OTOG: variants seen among roughly 807,000 people sequenced by gnomAD.
OTOG encodes otogelin.
In OTOG, 296 loss-of-function variants were observed where a neutral mutation model predicts 313.8. The ratio of observed to expected loss-of-function variants is 0.94; its 90% CI spans 0.86 to 1.04. The LOEUF is 1.04. Among genes scored for constraint, OTOG ranks in the 50% least tolerant of loss-of-function variants. The probability of loss-of-function intolerance (pLI) is 0.00; values close to 1 mark genes in which losing one functional copy is unlikely to be tolerated. For synonymous variants in OTOG, 1,533 were observed against 1,554.9 expected, an observed-to-expected ratio of 0.99 and a Z score of 0.33; for missense variants, 3,948 against 3,840.1, an observed-to-expected ratio of 1.03 and a Z score of -0.74.
At chr11:17,613,563 G>C (rs1181141147) in intron 38 of OTOG, 49 bp from the exon 39 acceptor site, 1 of 1,467,928 alleles carries the variant, frequency 6.8e-7, no homozygotes, top group South Asian at 1.2e-5. Flanking sequence ...ACTTGGAGGG[G>C]GACAGAGGAC....
chr11:17,566,094 T>A (rs1452576384), intron 15 of OTOG, among the ~76,000 whole-genome samples: 2 of 152,022 alleles, frequency 1.3e-5, no homozygotes, highest in African/African-American at 4.8e-5. Flanking sequence ...ATCTGTGGGG[T>A]ATTTCCACAG....
intron 15 of OTOG, among the ~76,000 whole-genome samples, chr11:17,565,056 T>C (rs1565095053): frequency 6.6e-6 from 1 of 152,230 alleles, no homozygotes; most frequent in Non-Finnish European, 1.5e-5. Context: ...GACATCTTTG[T>C]TAAAAATAAT....
In OTOG at chr11:17,573,254, C is replaced by G; in HGVS notation, c.2257C>G (p.Leu753Val). ...HYAHLCRRHG[L>V]PVDFRARLPA... ...CGCCCACCTGTGCCGGCGCCATGGG[C>G]TCCCCGTTGATTTCCGCGCCCGCCT... The change falls in exon 19 of 56, where the codon CTC becomes GTC. Residue 753 changes from leucine (L) to valine (V), a missense_variant. By Grantham distance (32) the Leu-to-Val change is conservative. Coordinates refer to ENST00000399397, the MANE Select transcript of OTOG (RefSeq NM_001292063.2). The G allele has an allele frequency of 6.5e-7, 1 of 1,531,556 alleles. No individual in the cohort carries two copies. The highest frequency in any genetic ancestry group is 2.5e-5 in the East Asian group (1 of 40,752). 94.9% of individuals were successfully genotyped at this position (1,531,556 alleles called of 1,614,324 possible).
chr11:17,605,433 G>A (rs574345844), intron 32 of OTOG, among the ~76,000 whole-genome samples: 3 of 152,170 alleles, frequency 2.0e-5, no homozygotes, highest in Non-Finnish European at 4.4e-5. Flanking sequence ...AACCTTCAGC[G>A]TGCCCCACAT....
chr11:17,628,998 A>G (rs571612103), intron 39 of OTOG, 135 bp from the exon 40 acceptor site: 2 of 864,540 alleles, frequency 2.3e-6, no homozygotes, highest in East Asian at 2.8e-5. Context: ...CCTGGCACAT[A>G]GCAGATGCCT....
At chr11:17,580,570 G>A (rs1852643147) in intron 23 of OTOG, among the ~76,000 whole-genome samples, 2 of 152,238 alleles carry the variant, frequency 1.3e-5, no homozygotes, top group African/African-American at 4.8e-5. Flanking sequence ...GGTGCTCAGA[G>A]ATGCAGACAG....
At chr11:17,585,470 CT>C (rs1157378393) in intron 23 of OTOG, among the ~76,000 whole-genome samples, 2 of 152,208 alleles carry the variant, frequency 1.3e-5, no homozygotes, top group Non-Finnish European at 2.9e-5. Context: ...TCTGGTTTCA[CT>C]GATTTTTCTC....
intron 39 of OTOG, among the ~76,000 whole-genome samples, chr11:17,625,750 T>A (rs894785142): frequency 2.0e-5 from 3 of 152,220 alleles, no homozygotes; most frequent in African/African-American, 7.2e-5. Flanking sequence ...ATTCTATGGG[T>A]TGTCTCTTCA....
chr11:17,577,136 G>A (rs568824102), intron 22 of OTOG, among the ~76,000 whole-genome samples: 131 of 152,368 alleles, frequency 8.6e-4, no homozygotes, highest in Middle Eastern at 3.4e-3. Flanking sequence ...GCTGCCTGCA[G>A]AGGAGAGGCT....
At chr11:17,644,977 T>G (rs1848044717) in intron 54 of OTOG, among the ~76,000 whole-genome samples, 1 of 152,184 alleles carries the variant, frequency 6.6e-6, no homozygotes, top group South Asian at 2.1e-4. Context: ...TGGTTGTCTG[T>G]GAGAGGCATG....
At position 17,599,705 on chromosome 11, in the gene OTOG, C is replaced by T. The variant is rs1177079413; in HGVS notation, c.3709+8C>T. On this transcript the variant is annotated splice_region_variant and intron_variant, in intron 31 of 55. Coordinates refer to ENST00000399397, the MANE Select transcript of OTOG (RefSeq NM_001292063.2). ...GTGACTTCTTTAACAAAGGTAAGCC[C>T]CTCCTCCCCACGCAGAGTCTCAGGG... The T allele has an allele frequency of 6.4e-7, 1 of 1,550,568 alleles. No individual in the cohort carries two copies. The highest frequency in any genetic ancestry group is 1.4e-5 in the African/African-American group (1 of 73,162).
Position 17,611,156 on chromosome 11 carries a change from C to T in OTOG, c.5856C>T (p.Ala1952=), listed in dbSNP as rs778221743. ...CCTTGGTGGCTGAGCCCGAGGGAGCCCAGGCAGGCACAGCTCTGCCAGTGC... is the reference window on the plus strand; with the variant it reads ...CCTTGGTGGCTGAGCCCGAGGGAGCTCAGGCAGGCACAGCTCTGCCAGTGC... ...LTPLVAEPEG[A]QAGTALPVPT... The change falls in exon 36 of 56, where the codon GCC becomes GCT. Residue 1952 remains alanine (A), a synonymous_variant. Coordinates refer to ENST00000399397, the MANE Select transcript of OTOG (RefSeq NM_001292063.2). 7.4e-5 allele frequency: 115 copies of T among 1,550,404 alleles called. No individual in the cohort carries two copies. Among genetic ancestry groups the T allele is most frequent in the African/African-American group, 1.4e-5 (1 of 73,032 alleles).
chr11:17,624,228 G>A (rs73418092), intron 39 of OTOG, among the ~76,000 whole-genome samples: 4,398 of 152,100 alleles, frequency 0.029, 79 homozygotes, highest in Middle Eastern at 0.092. Flanking sequence ...AATCTTTGCC[G>A]TTTCTGTGTC....
At position 17,645,923 on chromosome 11, in the gene OTOG, C is replaced by T. The variant is rs576913505; in HGVS notation, c.8721C>T (p.Asp2907=). The change falls in exon 56 of 56, where the codon GAC becomes GAT. Residue 2907 remains aspartate, a synonymous_variant. Coordinates refer to ENST00000399397, the MANE Select transcript of OTOG (RefSeq NM_001292063.2). ...CCTATACAGTGCAGGAGCCCACCGA[C>T]TGTGCCTGCCAGTGGTCCTGAGGCC... The part of the protein sequence containing the change: ...WVPYTVQEPT[D]CACQWS The T allele has an allele frequency of 6.5e-7, 1 of 1,549,846 alleles. No homozygotes were observed.
rs935260702 is a variant in OTOG, at chr11:17,569,422, GA to G, written c.1777+135del. 3.9e-6 allele frequency: 5 copies of G among 1,283,362 alleles called. No homozygotes were observed. The African/African-American group carries it at 7.5e-5, about 19-fold the overall frequency. 79.5% of individuals were successfully genotyped at this position (1,283,362 alleles called of 1,614,324 possible). A position where few individuals can be genotyped will look rare whatever the true frequency, so the allele number is the denominator to read the frequency against. On this transcript the variant is annotated intron_variant, in intron 16 of 55. Coordinates refer to ENST00000399397, the MANE Select transcript of OTOG (RefSeq NM_001292063.2). ...TAGTACTGGGTAGATCAGGATAGGG[GA>G]CACTTTGGTTGCAAAAATGTGGACT...
chr11:17,621,832 G>A (rs545628335), intron 39 of OTOG, among the ~76,000 whole-genome samples: 13 of 152,180 alleles, frequency 8.5e-5, no homozygotes, highest in East Asian at 7.7e-4. Flanking sequence ...AACTGTTCAC[G>A]TTGGAAAACT....
chr11:17,609,050 G>T (rs1853459724), intron 34 of OTOG, 80 bp from the exon 35 acceptor site: 1 of 1,123,494 alleles, frequency 8.9e-7, no homozygotes, highest in South Asian at 1.4e-5. Context: ...GAAAGGATAA[G>T]GCCTGTGCTC....
In OTOG at chr11:17,606,061, C is replaced by T. The variant is rs550221134; in HGVS notation, c.4082C>T (p.Ser1361Leu). The change falls in exon 33 of 56, where the codon TCG (serine) becomes TTG (leucine). Residue 1361 changes from serine to leucine, a missense_variant. Coordinates refer to ENST00000399397, the MANE Select transcript of OTOG (RefSeq NM_001292063.2). The stretch of plus-strand genomic sequence containing the variant: ...AAGCCCAGCTCCTTCCTCTATGTGT[C>T]GGGCGCGGTGCTGGCCCTGCGGCTG... ...LAKPSSFLYVSGAVLALRLYE... is the reference protein window; with the variant it reads ...LAKPSSFLYVLGAVLALRLYE... The T allele has an allele frequency of 2.3e-5, 36 of 1,550,428 alleles. No homozygotes were observed. The highest frequency in any genetic ancestry group is 2.2e-4 in the African/African-American group (16 of 73,164).
rs529949751 is a variant in OTOG at position 17,622,760 on chromosome 11, A to G, written c.6529-6373A>G. Among the ~76,000 whole-genome samples, 13 of 152,332 alleles carry G rather than the reference A, an allele frequency of 8.5e-5. No homozygotes were observed. The South Asian group carries it at 1.5e-3, about 17-fold the overall frequency. The stretch of plus-strand genomic sequence containing the variant: ...TCTTTATCCATTCATCTGCTGATGG[A>G]CATTTACATTGCTTCCAAATCTTAG... On this transcript the variant is annotated intron_variant, in intron 39 of 55. Transcript: ENST00000399397.
Sources: gnomAD v4.1 joint callset for allele counts (sites outside exome capture counted in the v4.1 genomes callset) on GRCh38, gnomAD v4.1.1 for gene constraint, MANE v1.5 for transcripts, NCBI Gene and HGNC (gene_info 2026-07-23, HGNC 2026-07-21) for gene names.